IL1RAPL2: variants seen among roughly 807,000 people sequenced by gnomAD.
IL1RAPL2 encodes X-linked interleukin-1 receptor accessory protein-like 2.
In IL1RAPL2, 3 loss-of-function variants were observed where a neutral mutation model predicts 44.1. The observed-to-expected ratio is 0.07, with a 90% confidence interval of 0.03 to 0.18. IL1RAPL2 has a LOEUF of 0.18. IL1RAPL2 is among the 10% of genes least tolerant of loss of function. IL1RAPL2 has a pLI of 1.00. For synonymous variants in IL1RAPL2, 181 were observed against 178.8 expected (o/e 1.01, Z -0.10); for missense variants, 391 against 496.4 (o/e 0.79, Z 2.02).
intron 6 of IL1RAPL2, among the ~76,000 whole-genome samples, chrX:105,512,789 T>C (rs1486383005): frequency 3.6e-5 from 4 of 111,520 alleles, no homozygotes; most frequent in African/African-American, 1.3e-4. Context: ...ATTTTTATAC[T>C]TTAAGTTCTG....
chrX:105,599,083 G>C (rs1473885681), intron 6 of IL1RAPL2, among the ~76,000 whole-genome samples: 1 of 112,146 alleles, frequency 8.9e-6, no homozygotes, highest in Non-Finnish European at 1.9e-5. Context: ...GTCTACACAG[G>C]TTTATGATTC....
At chrX:104,983,193 G>T (rs973876151) in intron 2 of IL1RAPL2, among the ~76,000 whole-genome samples, 4 of 108,936 alleles carry the variant, frequency 3.7e-5, no homozygotes. Context: ...TGAGAGATAA[G>T]GTTGCATTTA....
intron 2 of IL1RAPL2, among the ~76,000 whole-genome samples, chrX:105,163,602 A>G (rs1373291283): frequency 8.9e-6 from 1 of 111,979 alleles, no homozygotes; most frequent in Non-Finnish European, 1.9e-5. Flanking sequence ...CATATTTTAC[A>G]TTGAGTTAGC....
intron 2 of IL1RAPL2, among the ~76,000 whole-genome samples, chrX:104,662,639 T>C (rs1466618021): frequency 9.0e-6 from 1 of 111,594 alleles, no homozygotes; most frequent in Non-Finnish European, 1.9e-5. Context: ...GAAATTACTC[T>C]TCCTCAAGAA....
intron 2 of IL1RAPL2, among the ~76,000 whole-genome samples, chrX:105,144,017 A>AG (rs1491459299): frequency 9.9e-6 from 1 of 100,885 alleles, no homozygotes; most frequent in African/African-American, 4.2e-5. Context: ...TAAACAAAAT[A>AG]AAAAAAAAAT....
rs192246252 is a variant in IL1RAPL2, at chrX:104,797,191, C to T, written c.82+138196C>T. On this transcript the variant is annotated intron_variant, in intron 2 of 10. Coordinates refer to ENST00000372582, the MANE Select transcript of IL1RAPL2 (RefSeq NM_017416.2). ...AGTTGTAATGATCTCTTCAGCCCCC[C>T]CCCCCCCCCCGCAAAGTAATGTTTG... Among the ~76,000 whole-genome samples, 4 of 31,915 alleles carry T rather than the reference C, an allele frequency of 1.3e-4. 1 individual carries two copies. The highest frequency in any genetic ancestry group is 2.3e-4 in the African/African-American group (2 of 8,791). 27.7% of individuals were successfully genotyped at this position (31,915 alleles called of 115,157 possible).
chrX:104,576,087 T>C (rs1005271874), intron 1 of IL1RAPL2, among the ~76,000 whole-genome samples: 2 of 111,930 alleles, frequency 1.8e-5, no homozygotes, highest in African/African-American at 6.5e-5. Flanking sequence ...GTTCTATTCT[T>C]AGTACAGCTT....
In IL1RAPL2 at chrX:105,267,457, CAAG is replaced by C; in HGVS notation, c.621_623del (p.Glu207del). 8.4e-7 allele frequency: 1 copy of C among 1,196,766 alleles called. No homozygotes were observed. Among genetic ancestry groups the C allele is most frequent in the Non-Finnish European group, 1.1e-6 (1 of 884,660 alleles). On this transcript the variant is annotated inframe_deletion, in exon 5 of 11. Transcript: ENST00000372582. Reference sequence around the variant, plus strand: ...AAATGCTCTTCTGATCCAAGAAGTTCAAGAAGAAGATGGAGGAAATTACACATG... The same window carrying C: ...AAATGCTCTTCTGATCCAAGAAGTTCAAGAAGATGGAGGAAATTACACATG...
chrX:104,634,697 G>T (rs1293300304), intron 1 of IL1RAPL2, among the ~76,000 whole-genome samples: 5 of 111,149 alleles, frequency 4.5e-5, no homozygotes, highest in African/African-American at 1.6e-4. Flanking sequence ...CATTTGCTTG[G>T]TAGATATTCC....
intron 1 of IL1RAPL2, among the ~76,000 whole-genome samples, chrX:104,585,377 T>C (rs1928534570): frequency 3.5e-5 from 1 of 28,710 alleles, no homozygotes; most frequent in African/African-American, 2.3e-4. Flanking sequence ...ATATTATATA[T>C]AATATATATT....
chrX:105,335,349 G>A (rs1162880105), intron 5 of IL1RAPL2, among the ~76,000 whole-genome samples: 4 of 111,230 alleles, frequency 3.6e-5, no homozygotes, highest in Non-Finnish European at 7.5e-5. Context: ...AGTTAACTCA[G>A]TGCTAACTGG....
intron 2 of IL1RAPL2, among the ~76,000 whole-genome samples, chrX:104,711,908 C>A (rs1210213138): frequency 1.8e-5 from 2 of 110,643 alleles, no homozygotes; most frequent in Admixed American, 1.9e-4. Context: ...AGGAACATAC[C>A]AGGGCTATTA....
intron 2 of IL1RAPL2, among the ~76,000 whole-genome samples, chrX:104,800,330 A>G (rs1932876648): frequency 1.8e-5 from 2 of 110,833 alleles, no homozygotes; most frequent in African/African-American, 6.6e-5. Context: ...AAATAAGATT[A>G]TATATGTATA....
At chrX:104,567,565 A>G (rs1928062593) in intron 1 of IL1RAPL2, among the ~76,000 whole-genome samples, 1 of 112,064 alleles carries the variant, frequency 8.9e-6, no homozygotes, top group Non-Finnish European at 1.9e-5. Context: ...ATCTGGGGCC[A>G]TCTCTGTGCT....
At chrX:105,592,005 T>C (rs1298813750) in intron 6 of IL1RAPL2, among the ~76,000 whole-genome samples, 1 of 111,311 alleles carries the variant, frequency 9.0e-6, no homozygotes, top group Non-Finnish European at 1.9e-5. Context: ...TATAATACTG[T>C]CAGTGGGGTG....
chrX:105,322,292 T>G (rs2034902920), intron 5 of IL1RAPL2, among the ~76,000 whole-genome samples: 1 of 112,796 alleles, frequency 8.9e-6, no homozygotes, highest in African/African-American at 3.2e-5. Flanking sequence ...AGTTTTCTAT[T>G]GCTGTGTAAT....
Position 104,878,295 on chromosome X carries a change from A to G in IL1RAPL2, c.82+219300A>G, listed in dbSNP as rs1922965051. Among the ~76,000 whole-genome samples, 4 of 112,101 alleles carry G rather than the reference A, an allele frequency of 3.6e-5. No homozygotes were observed. In the Admixed American group the frequency reaches 3.8e-4, roughly 11 times the overall value. ...CAATGGTTATCTGAATTTCTTATAT[A>G]TGAGTAAAATAATAATAACAATGAT... On this transcript the variant is annotated intron_variant, in intron 2 of 10. Coordinates refer to ENST00000372582, the MANE Select transcript of IL1RAPL2 (RefSeq NM_017416.2).
At position 104,937,944 on chromosome X, in the gene IL1RAPL2, T is replaced by A. The variant is rs57371722; in HGVS notation, c.83-257531T>A. On this transcript the variant is annotated intron_variant, in intron 2 of 10. Transcript: ENST00000372582. ...GTTGGCAAGCATGAAGTGTATAAGA[T>A]AGTAAATCCTAAATTACAGGCAGCC... Among the ~76,000 whole-genome samples the A allele has an allele frequency of 6.4e-3, 718 of 112,581 alleles. 3 individuals are homozygous for A. The highest frequency in any genetic ancestry group is 0.022 in the African/African-American group (686 of 31,018).
intron 5 of IL1RAPL2, among the ~76,000 whole-genome samples, chrX:105,341,698 G>A (rs752414491): frequency 6.3e-5 from 7 of 111,697 alleles, no homozygotes; most frequent in African/African-American, 1.9e-4. Context: ...TTGGGAGGCC[G>A]AGGCAGGCGG....
Sources: gnomAD v4.1 joint callset for allele counts (sites outside exome capture counted in the v4.1 genomes callset) on GRCh38, gnomAD v4.1.1 for gene constraint, MANE v1.5 for transcripts, NCBI Gene and HGNC (gene_info 2026-07-23, HGNC 2026-07-21) for gene names.